PBX3: variants seen among roughly 807,000 people sequenced by gnomAD.
The protein encoded by PBX3 is pre-B-cell leukemia transcription factor 3.
In PBX3, 14 loss-of-function variants were observed where a neutral mutation model predicts 48.5. That is an observed-to-expected ratio of 0.29 (90% CI 0.19 to 0.45). PBX3 has a LOEUF of 0.45. Among genes scored for constraint, PBX3 ranks in the 20% least tolerant of loss-of-function variants. The pLI is 1.00. For synonymous variants in PBX3, 210 were observed against 200.3 expected, an observed-to-expected ratio of 1.05 and a Z score of -0.41; for missense variants, 386 against 546.7, an observed-to-expected ratio of 0.71 and a Z score of 2.93.
chr9:125,825,973 T>C (rs1207228766), intron 2 of PBX3, among the ~76,000 whole-genome samples: 1 of 152,224 alleles, frequency 6.6e-6, no homozygotes, highest in Non-Finnish European at 1.5e-5. Context: ...CATTGGGAGA[T>C]ACTTTATAAA....
At chr9:125,928,251 T>C (rs1219728284) in intron 3 of PBX3, among the ~76,000 whole-genome samples, 1 of 151,952 alleles carries the variant, frequency 6.6e-6, no homozygotes, top group African/African-American at 2.4e-5. Context: ...TGGTGGCACA[T>C]GCCTGTCGTC....
intron 2 of PBX3, among the ~76,000 whole-genome samples, chr9:125,857,339 G>T (rs1251190599): frequency 6.6e-6 from 1 of 151,946 alleles, no homozygotes; most frequent in Non-Finnish European, 1.5e-5. Flanking sequence ...TTTGTTTGAG[G>T]GTCATGTCAA....
In PBX3 at chr9:125,781,070, A is replaced by G. The variant is rs1360590724; in HGVS notation, c.274+32447A>G. On this transcript the variant is annotated intron_variant, in intron 2 of 8. Transcript: ENST00000373489. ...CAGGCAGAGGGGCTCCTCACGTCCC[A>G]GACGATGGGCAGCCAGGCAGAGACG... Among the ~76,000 whole-genome samples, 6 of 138,408 alleles carry G rather than the reference A, an allele frequency of 4.3e-5. No individual in the cohort carries two copies. In the South Asian group the frequency reaches 9.8e-4, roughly 22 times the overall value. The allele number at this position is 138,408 out of a possible 152,430, so 90.8% of individuals were successfully genotyped here.
chr9:125,897,881 T>C (rs554943167), intron 2 of PBX3, among the ~76,000 whole-genome samples: 140 of 152,008 alleles, frequency 9.2e-4, no homozygotes, highest in Non-Finnish European at 1.6e-3. Flanking sequence ...TTAATAAAAT[T>C]TAAAGTATAC....
intron 2 of PBX3, among the ~76,000 whole-genome samples, chr9:125,904,927 A>G (rs1841035427): frequency 6.6e-6 from 1 of 151,856 alleles, no homozygotes; most frequent in Non-Finnish European, 1.5e-5. Flanking sequence ...CCATCCTCTA[A>G]ATTCCTTTTT....
intron 3 of PBX3, among the ~76,000 whole-genome samples, chr9:125,920,744 A>G (rs1399296347): frequency 1.3e-5 from 2 of 152,200 alleles, no homozygotes; most frequent in East Asian, 3.8e-4. Context: ...GAGTTCGCAG[A>G]TGTCATTTGA....
At chr9:125,822,738 A>G (rs915852511) in intron 2 of PBX3, among the ~76,000 whole-genome samples, 3 of 152,276 alleles carry the variant, frequency 2.0e-5, no homozygotes, top group Admixed American at 1.3e-4. Context: ...CAATCAAAGC[A>G]TATATTTCAT....
intron 2 of PBX3, among the ~76,000 whole-genome samples, chr9:125,850,153 A>G (rs1839539890): frequency 6.6e-6 from 1 of 152,044 alleles, no homozygotes; most frequent in Non-Finnish European, 1.5e-5. Flanking sequence ...TAGTAGATTA[A>G]TATTAAATTG....
chr9:125,780,488 G>A (rs1482929864), intron 2 of PBX3, among the ~76,000 whole-genome samples: 11 of 130,500 alleles, frequency 8.4e-5, no homozygotes, highest in African/African-American at 1.8e-4. Context: ...CCTCCCTCCC[G>A]GACGGGGCGT....
At chr9:125,809,162 A>AT (rs1355427154) in intron 2 of PBX3, among the ~76,000 whole-genome samples, 1 of 152,236 alleles carries the variant, frequency 6.6e-6, no homozygotes, top group Non-Finnish European at 1.5e-5. Flanking sequence ...GCTGAGCGTC[A>AT]TTTTGTTCAA....
intron 2 of PBX3, among the ~76,000 whole-genome samples, chr9:125,802,898 C>G (rs919097241): frequency 6.6e-6 from 1 of 151,896 alleles, no homozygotes; most frequent in Admixed American, 6.6e-5. Flanking sequence ...AAACTGGTCT[C>G]GAACTCCTGA....
chr9:125,803,391 A>G (rs1272873779), intron 2 of PBX3, among the ~76,000 whole-genome samples: 1 of 151,980 alleles, frequency 6.6e-6, no homozygotes, highest in Non-Finnish European at 1.5e-5. Flanking sequence ...CCCGGCCCCC[A>G]CTGATGTCTT....
At chr9:125,791,168 G>A (rs1474841302) in intron 2 of PBX3, among the ~76,000 whole-genome samples, 7 of 151,844 alleles carry the variant, frequency 4.6e-5, no homozygotes, top group Non-Finnish European at 7.4e-5. Flanking sequence ...CACCCGCCTT[G>A]GCCTCCCAAA....
At chr9:125,765,252 G>C (rs1198026015) in intron 2 of PBX3, among the ~76,000 whole-genome samples, 1 of 151,138 alleles carries the variant, frequency 6.6e-6, no homozygotes, top group African/African-American at 2.4e-5. Flanking sequence ...CGGCTCAAGT[G>C]ATCCTCGCAC....
At chr9:125,965,539 T>G (rs567553196) in intron 8 of PBX3, among the ~76,000 whole-genome samples, 18 of 152,102 alleles carry the variant, frequency 1.2e-4, no homozygotes, top group Non-Finnish European at 2.4e-4. Flanking sequence ...TCTTTTTGAG[T>G]CACTTTAGTT....
At chr9:125,799,654 G>A (rs1490674425) in intron 2 of PBX3, among the ~76,000 whole-genome samples, 2 of 152,024 alleles carry the variant, frequency 1.3e-5, no homozygotes, top group African/African-American at 4.8e-5. Context: ...TTCTTTTCCT[G>A]GGCATGGATG....
At chr9:125,938,301 T>C (rs976016084) in intron 5 of PBX3, among the ~76,000 whole-genome samples, 5 of 152,206 alleles carry the variant, frequency 3.3e-5, no homozygotes, top group African/African-American at 1.2e-4. Flanking sequence ...GGTAGAACTT[T>C]TGTTTATCAA....
intron 2 of PBX3, among the ~76,000 whole-genome samples, chr9:125,894,861 T>C (rs1335905149): frequency 1.3e-5 from 2 of 152,150 alleles, no homozygotes; most frequent in Non-Finnish European, 2.9e-5. Flanking sequence ...GTTGTTTTAC[T>C]AGCTGTGAAC....
At chr9:125,927,477 T>C (rs1194038714) in intron 3 of PBX3, among the ~76,000 whole-genome samples, 1 of 152,230 alleles carries the variant, frequency 6.6e-6, no homozygotes. Flanking sequence ...AACCATCATG[T>C]GCTATATGTG....
Sources: allele counts gnomAD v4.1 joint callset (sites outside exome capture counted in the v4.1 genomes callset), GRCh38; gene constraint gnomAD v4.1.1; transcripts MANE v1.5; gene names NCBI Gene and HGNC (gene_info 2026-07-23, HGNC 2026-07-21).